The following BCKDHB variants were observed in gnomAD, a reference collection of about 807,000 sequenced individuals.
BCKDHB encodes the protein 2-oxoisovalerate dehydrogenase subunit beta, mitochondrial.
BCKDHB carries 41 observed loss-of-function variants against 48.5 expected under a neutral mutation model. That is an observed-to-expected ratio of 0.85 (90% CI 0.66 to 1.10). The LOEUF is 1.10. BCKDHB is among the 50% of genes least tolerant of loss of function. The pLI is 0.00. For synonymous variants in BCKDHB, 201 were observed against 174.8 expected (o/e 1.15, Z -1.18); for missense variants, 496 against 494.2 (o/e 1.00, Z -0.03).
At chr6:80,382,662 C>T in the BCKDHB span, among the ~76,000 whole-genome samples, 1 of 152,108 alleles carries the variant, frequency 6.6e-6, no homozygotes, top group Non-Finnish European at 1.5e-5. Flanking sequence ...TTCTCCCACA[C>T]TTCCCTGGAC....
chr6:80,204,840 G>T (rs1774566315), intron 8 of BCKDHB, among the ~76,000 whole-genome samples: 1 of 152,014 alleles, frequency 6.6e-6, no homozygotes, highest in Non-Finnish European at 1.5e-5. Context: ...GTTTGCTTTT[G>T]CATCACTGTG....
the BCKDHB span, among the ~76,000 whole-genome samples, chr6:80,413,696 C>G: frequency 2.0e-5 from 3 of 152,146 alleles, no homozygotes; most frequent in African/African-American, 7.2e-5. Context: ...ATCCAGTCTA[C>G]CATTGATGGG....
chr6:80,252,000 A>T (rs191495787), intron 8 of BCKDHB, among the ~76,000 whole-genome samples: 2 of 152,328 alleles, frequency 1.3e-5, no homozygotes, highest in East Asian at 3.9e-4. Context: ...AATAGCTAGC[A>T]CTATAGCATG....
rs1371328961 is a variant in BCKDHB, at chr6:80,247,402, A to G, written c.952-25733A>G. Reference sequence around the variant, plus strand: ...TTATTTCACACAAGAAGAATACTCAATCAGCTACATCCTTAAGGTTGTCAT... The same window carrying G: ...TTATTTCACACAAGAAGAATACTCAGTCAGCTACATCCTTAAGGTTGTCAT... On this transcript the variant is annotated intron_variant, in intron 8 of 9. Transcript: ENST00000320393. 3.3e-5 allele frequency among the ~76,000 whole-genome samples: 5 copies of G among 152,244 alleles called. 1 individual carries two copies. Among genetic ancestry groups the G allele is most frequent in the Non-Finnish European group, 7.3e-5 (5 of 68,044 alleles).
chr6:80,284,206 C>T (rs16891637), intron 9 of BCKDHB, among the ~76,000 whole-genome samples: 4,323 of 152,046 alleles, frequency 0.028, 184 homozygotes, highest in African/African-American at 0.099. Context: ...AAAATATAGT[C>T]GAGTTTAAAA....
intron 1 of BCKDHB, among the ~76,000 whole-genome samples, chr6:80,117,060 C>A (rs1362642280): frequency 1.3e-5 from 2 of 152,124 alleles, no homozygotes; most frequent in Non-Finnish European, 2.9e-5. Flanking sequence ...GTCCACAAAT[C>A]ATGCTGTAAC....
chr6:80,107,897 CTG>C (rs1769210322), intron 1 of BCKDHB, among the ~76,000 whole-genome samples: 1 of 152,112 alleles, frequency 6.6e-6, no homozygotes, highest in African/African-American at 2.4e-5. Flanking sequence ...TATCAGGAAA[CTG>C]TAGGGAAACA....
chr6:80,338,110 G>A (rs1463487126), intron 9 of BCKDHB, among the ~76,000 whole-genome samples: 1 of 152,128 alleles, frequency 6.6e-6, no homozygotes, highest in East Asian at 1.9e-4. Flanking sequence ...CTTTCCGTCA[G>A]AAGAACTGAG....
At chr6:80,231,470 T>G (rs529642478) in intron 8 of BCKDHB, among the ~76,000 whole-genome samples, 1 of 152,222 alleles carries the variant, frequency 6.6e-6, no homozygotes, top group Non-Finnish European at 1.5e-5. Flanking sequence ...CTATTTTCTT[T>G]ACATCCAGTG....
At chr6:80,160,672 A>G (rs1301001597) in intron 3 of BCKDHB, among the ~76,000 whole-genome samples, 1 of 152,190 alleles carries the variant, frequency 6.6e-6, no homozygotes, top group Non-Finnish European at 1.5e-5. Flanking sequence ...GTGATGTAGA[A>G]CTTCTTAATC....
intron 9 of BCKDHB, among the ~76,000 whole-genome samples, chr6:80,276,339 T>C (rs1777966800): frequency 6.6e-6 from 1 of 151,936 alleles, no homozygotes; most frequent in South Asian, 2.1e-4. Flanking sequence ...ATATGAACTA[T>C]GCTGTTTTAT....
chr6:80,292,402 G>T (rs1320060016), intron 9 of BCKDHB, among the ~76,000 whole-genome samples: 3 of 152,168 alleles, frequency 2.0e-5, no homozygotes, highest in African/African-American at 7.2e-5. Context: ...AAGCAAAAGA[G>T]AACATGTGTA....
chr6:80,445,002 A>G, the BCKDHB span, among the ~76,000 whole-genome samples: 1 of 152,218 alleles, frequency 6.6e-6, no homozygotes. Flanking sequence ...GGCTGTCTAT[A>G]GAAATGAATT....
intron 8 of BCKDHB, among the ~76,000 whole-genome samples, chr6:80,220,111 T>G (rs770036935): frequency 3.9e-5 from 6 of 152,064 alleles, no homozygotes; most frequent in Non-Finnish European, 5.9e-5. Flanking sequence ...TTCAAAAAAC[T>G]CTTAGCAGTT....
rs112165563 is a variant in BCKDHB at position 80,264,569 on chromosome 6, G to A, written c.952-8566G>A. Among the ~76,000 whole-genome samples, 213 of 152,134 alleles carry A rather than the reference G, an allele frequency of 1.4e-3. 1 individual carries two copies. The highest frequency in any genetic ancestry group is 2.1e-3 in the Non-Finnish European group (142 of 67,966). The stretch of plus-strand genomic sequence containing the variant: ...TAAGATTCTGGTTAGCTGATTTACC[G>A]TTGAAGATTTTTCAGGAGAGGAGTG... On this transcript the variant is annotated intron_variant, in intron 8 of 9. Transcript: ENST00000320393.
At chr6:80,113,645 C>A (rs1438081616) in intron 1 of BCKDHB, among the ~76,000 whole-genome samples, 2 of 152,128 alleles carry the variant, frequency 1.3e-5, no homozygotes, top group Non-Finnish European at 2.9e-5. Context: ...TTCCAAAATA[C>A]GTTACTGGTG....
At position 80,241,993 on chromosome 6, in the gene BCKDHB, C is replaced by G. The variant is rs561578701; in HGVS notation, c.952-31142C>G. Among the ~76,000 whole-genome samples, 56 of 152,264 alleles carry G rather than the reference C, an allele frequency of 3.7e-4. 1 individual carries two copies. The South Asian group carries it at 0.011, about 31-fold the overall frequency. The stretch of plus-strand genomic sequence containing the variant: ...TATATACATTGCAAGTATCCTTTCT[C>G]AGTCTGTGGCTTGTGTTTTCACTCT... On this transcript the variant is annotated intron_variant, in intron 8 of 9. Coordinates refer to ENST00000320393, the MANE Select transcript of BCKDHB (RefSeq NM_183050.4).
At chr6:80,197,762 A>G (rs1453963075) in intron 6 of BCKDHB, among the ~76,000 whole-genome samples, 6 of 152,324 alleles carry the variant, frequency 3.9e-5, no homozygotes, top group Admixed American at 1.3e-4. Flanking sequence ...GATGATGGCA[A>G]AGAGCCTGTG....
At chr6:80,367,940 T>C in the BCKDHB span, among the ~76,000 whole-genome samples, 1 of 152,228 alleles carries the variant, frequency 6.6e-6, no homozygotes, top group African/African-American at 2.4e-5. Flanking sequence ...TTTAAAAAAT[T>C]ATAAGACTGT....
Sources: allele counts gnomAD v4.1 joint callset (sites outside exome capture counted in the v4.1 genomes callset), GRCh38; gene constraint gnomAD v4.1.1; transcripts MANE v1.5; gene names NCBI Gene and HGNC (gene_info 2026-07-23, HGNC 2026-07-21).